PDE4B: variants seen among roughly 807,000 people sequenced by gnomAD.
PDE4B encodes phosphodiesterase 4B.
A neutral mutation model predicts 82.2 loss-of-function variants in PDE4B; 20 were observed. That is an observed-to-expected ratio of 0.24 (90% CI 0.17 to 0.35). The LOEUF is 0.35. Among genes scored for constraint, PDE4B ranks in the 10% least tolerant of loss-of-function variants. The pLI, the probability that PDE4B is intolerant of heterozygous loss-of-function variation, is 1.00. For missense variants in PDE4B, 655 were observed against 907.2 expected (o/e 0.72, Z 3.57); for synonymous variants, 320 against 318.9 (o/e 1.00, Z -0.04).
intron 7 of PDE4B, chr1:66,267,513 A>G (rs992021144): frequency 2.6e-5 from 4 of 152,248 alleles, no homozygotes; most frequent in African/African-American, 9.6e-5. Flanking sequence ...AAACATTAGG[A>G]GAATATGTAC....
chr1:65,924,415 C>T (rs1647392346), intron 3 of PDE4B, among the ~76,000 whole-genome samples: 1 of 151,810 alleles, frequency 6.6e-6, no homozygotes, highest in African/African-American at 2.4e-5. Flanking sequence ...GTTATTAAAC[C>T]TATTATATTT....
chr1:66,140,548 G>A (rs1432564347), intron 3 of PDE4B, among the ~76,000 whole-genome samples: 1 of 152,140 alleles, frequency 6.6e-6, no homozygotes, highest in East Asian at 1.9e-4. Context: ...AGTAAAAATG[G>A]CATTGTTTTA....
At chr1:66,271,574 GA>G (rs1655481523) in intron 7 of PDE4B, among the ~76,000 whole-genome samples, 2 of 152,176 alleles carry the variant, frequency 1.3e-5, no homozygotes, top group Admixed American at 6.5e-5. Flanking sequence ...CAGAGAAAGG[GA>G]AAAGTTTATA....
chr1:66,081,832 C>CTCTGTGTGTG (rs1280680569), intron 3 of PDE4B, among the ~76,000 whole-genome samples: 82 of 125,196 alleles, frequency 6.5e-4, no homozygotes, highest in Middle Eastern at 4.4e-3. Flanking sequence ...CTCTCTCTCT[C>CTCTGTGTGTG]TGTGTGTGTG....
intron 3 of PDE4B, among the ~76,000 whole-genome samples, chr1:66,099,253 A>C (rs886952697): frequency 6.6e-6 from 1 of 152,106 alleles, no homozygotes; most frequent in African/African-American, 2.4e-5. Context: ...TTTGCTGAGG[A>C]TAATGGCTTC....
intron 3 of PDE4B, among the ~76,000 whole-genome samples, chr1:66,138,079 G>T (rs1373429362): frequency 6.6e-6 from 1 of 152,210 alleles, no homozygotes; most frequent in East Asian, 1.9e-4. Flanking sequence ...AGCTAGGCTT[G>T]TCTAGCTACA....
intron 3 of PDE4B, among the ~76,000 whole-genome samples, chr1:66,067,466 T>G (rs971831840): frequency 1.3e-5 from 2 of 152,110 alleles, no homozygotes; most frequent in Non-Finnish European, 2.9e-5. Flanking sequence ...TCATGTGTCT[T>G]TTGGCTGCAT....
At chr1:66,267,739 A>G (rs1655157644) in intron 7 of PDE4B, among the ~76,000 whole-genome samples, 1 of 152,212 alleles carries the variant, frequency 6.6e-6, no homozygotes, top group South Asian at 2.1e-4. Context: ...CACTGGGAAG[A>G]GAATGTAGTG....
intron 1 of PDE4B, among the ~76,000 whole-genome samples, chr1:65,845,640 T>C (rs183677071): frequency 6.6e-6 from 1 of 152,308 alleles, no homozygotes; most frequent in Non-Finnish European, 1.5e-5. Flanking sequence ...TGGTCTCATA[T>C]TGATGATGCT....
chr1:65,887,676 C>T (rs1247827576), intron 1 of PDE4B, among the ~76,000 whole-genome samples: 1 of 151,762 alleles, frequency 6.6e-6, no homozygotes, highest in East Asian at 1.9e-4. Flanking sequence ...CCTCGGCCTC[C>T]CAAAATGCTG....
chr1:66,332,823 G>C (rs947567447), intron 8 of PDE4B, among the ~76,000 whole-genome samples: 18 of 152,166 alleles, frequency 1.2e-4, no homozygotes, highest in African/African-American at 4.3e-4. Context: ...TCCTCAGTAC[G>C]CTTCAATTTC....
rs1407028261 is a variant in PDE4B, at chr1:66,368,935, G to A, written c.1811G>A (p.Cys604Tyr). Residue 604 changes from cysteine to tyrosine, a missense_variant, in exon 16 of 17, where the codon TGT (cysteine) becomes TAT (tyrosine). Physicochemically the swap from Cys to Tyr is radical, Grantham distance 194. Transcript: ENST00000341517. ...AGGGGAATGGAAATTAGCCCAATGT[G>A]TGATAAACACACAGCTTCTGTGGAA... ...RERGMEISPM[C>Y]DKHTASVEKS... The A allele has an allele frequency of 1.2e-6, 2 of 1,611,362 alleles. No individual in the cohort carries two copies. Among genetic ancestry groups the A allele is most frequent in the Admixed American group, 1.7e-5 (1 of 59,358 alleles).
chr1:65,826,938 C>T (rs1423180010), intron 1 of PDE4B, among the ~76,000 whole-genome samples: 1 of 152,128 alleles, frequency 6.6e-6, no homozygotes, highest in Non-Finnish European at 1.5e-5. Flanking sequence ...GGGAAAGCTC[C>T]AACAAGGAGT....
chr1:66,285,577 T>G (rs571166563), intron 7 of PDE4B, among the ~76,000 whole-genome samples: 1 of 152,258 alleles, frequency 6.6e-6, no homozygotes, highest in Non-Finnish European at 1.5e-5. Flanking sequence ...CTCCCACTTA[T>G]AAGTGAAAAC....
intron 3 of PDE4B, among the ~76,000 whole-genome samples, chr1:65,977,740 G>A (rs1408956269): frequency 6.6e-6 from 1 of 152,138 alleles, no homozygotes; most frequent in Admixed American, 6.5e-5. Context: ...TACCATATTT[G>A]CTCTTTGCTC....
chr1:66,088,732 TC>T (rs1340674039), intron 3 of PDE4B, among the ~76,000 whole-genome samples: 1 of 152,058 alleles, frequency 6.6e-6, no homozygotes, highest in African/African-American at 2.4e-5. Context: ...GGGCTTTTTT[TC>T]TCTTCTCCCG....
At chr1:66,258,253 C>T (rs981479725) in intron 6 of PDE4B, among the ~76,000 whole-genome samples, 1 of 152,128 alleles carries the variant, frequency 6.6e-6, no homozygotes, top group African/African-American at 2.4e-5. Flanking sequence ...TTAAATGTAG[C>T]AAAAAGTTCA....
At chr1:66,331,830 A>C (rs1442001613) in intron 7 of PDE4B, 2 of 985,218 alleles carry the variant, frequency 2.0e-6, no homozygotes, top group Non-Finnish European at 2.4e-6. Context: ...TTTAGACTGG[A>C]GTCTTATCAG....
intron 7 of PDE4B, among the ~76,000 whole-genome samples, chr1:66,317,451 C>T (rs779086730): frequency 2.6e-5 from 4 of 152,120 alleles, no homozygotes; most frequent in African/African-American, 4.8e-5. Context: ...ATGCTTATCC[C>T]TTCTTAATTA....
Sources: allele counts gnomAD v4.1 joint callset (sites outside exome capture counted in the v4.1 genomes callset), GRCh38; gene constraint gnomAD v4.1.1; transcripts MANE v1.5; gene names NCBI Gene and HGNC (gene_info 2026-07-23, HGNC 2026-07-21).